Variants in KALRN observed in about 807,000 individuals in gnomAD.
KALRN encodes the protein kalirin.
Under a neutral mutation model 353.7 loss-of-function variants are expected in KALRN, and 70 were observed. That is an observed-to-expected ratio of 0.20 (90% confidence interval 0.16 to 0.24). KALRN has a LOEUF of 0.24. Among genes scored for constraint, KALRN ranks in the 10% least tolerant of loss-of-function variants. The pLI is 1.00. For missense variants in KALRN, 2,791 were observed against 3,756.7 expected, an observed-to-expected ratio of 0.74 and a Z score of 6.72; for synonymous variants, 1,391 against 1,434.8, an observed-to-expected ratio of 0.97 and a Z score of 0.69.
At chr3:124,496,757 C>G (rs563123102) in intron 33 of KALRN, among the ~76,000 whole-genome samples, 4 of 152,140 alleles carry the variant, frequency 2.6e-5, no homozygotes, top group Non-Finnish European at 5.9e-5. Context: ...GGGGATGGAT[C>G]TCAGTGAGGC....
intron 34 of KALRN, among the ~76,000 whole-genome samples, chr3:124,608,246 A>C (rs2077562160): frequency 6.6e-6 from 1 of 151,978 alleles, no homozygotes; most frequent in South Asian, 2.1e-4. Flanking sequence ...GGCCCAAGTG[A>C]TCTGCCCACC....
chr3:124,284,005 T>C (rs1207077059), intron 5 of KALRN, among the ~76,000 whole-genome samples: 1 of 152,074 alleles, frequency 6.6e-6, no homozygotes, highest in Non-Finnish European at 1.5e-5. Flanking sequence ...TATCATATTA[T>C]GATCTTTATC....
chr3:124,380,787 T>C (rs2087249537), intron 10 of KALRN, among the ~76,000 whole-genome samples: 1 of 152,238 alleles, frequency 6.6e-6, no homozygotes, highest in Non-Finnish European at 1.5e-5. Context: ...TGATATTTTC[T>C]GTACACATTT....
At position 124,649,401 on chromosome 3, in the gene KALRN, T is replaced by C. The variant is rs772361614; in HGVS notation, c.5665-1407T>C. 7.7e-4 allele frequency among the ~76,000 whole-genome samples: 118 copies of C among 152,276 alleles called. 1 individual carries two copies. Among genetic ancestry groups the C allele is most frequent in the Admixed American group, 1.8e-3 (27 of 15,296 alleles). On this transcript the variant is annotated intron_variant, in intron 37 of 59. Transcript: ENST00000682506. ...TTTTAAATCTTTGTGACTTTAACCT[T>C]AGGGCTAATGTTTTCAAAAACTACT...
At chr3:124,709,826 C>T (rs2062808350) in intron 57 of KALRN, among the ~76,000 whole-genome samples, 1 of 152,152 alleles carries the variant, frequency 6.6e-6, no homozygotes, top group Non-Finnish European at 1.5e-5. Flanking sequence ...TGAGAGAGCA[C>T]CCGAGTGCCC....
intron 3 of KALRN, among the ~76,000 whole-genome samples, chr3:124,243,574 A>G (rs1235647171): frequency 1.3e-5 from 2 of 152,176 alleles, no homozygotes; most frequent in African/African-American, 4.8e-5. Context: ...GTATACTCTC[A>G]GAAGGGGCTT....
chr3:124,130,935 G>C (rs1173666345), intron 1 of KALRN, among the ~76,000 whole-genome samples: 1 of 152,136 alleles, frequency 6.6e-6, no homozygotes, highest in Non-Finnish European at 1.5e-5. Context: ...GTGGGACAGA[G>C]GTCAGAATAA....
intron 59 of KALRN, among the ~76,000 whole-genome samples, chr3:124,717,682 C>T (rs552783597): frequency 4.4e-4 from 67 of 151,002 alleles, no homozygotes; most frequent in Middle Eastern, 7.1e-3. Context: ...GGCGACAGAG[C>T]GAGACTCCCT....
chr3:124,265,295 A>ATTTTT (rs1465968614), intron 4 of KALRN, among the ~76,000 whole-genome samples: 2 of 61,092 alleles, frequency 3.3e-5, no homozygotes, highest in African/African-American at 6.4e-5. Context: ...TTAAGAAAAT[A>ATTTTT]TTCTTTTTTT....
intron 11 of KALRN, among the ~76,000 whole-genome samples, chr3:124,387,470 A>G (rs1463156949): frequency 6.6e-6 from 1 of 152,232 alleles, no homozygotes; most frequent in Non-Finnish European, 1.5e-5. Flanking sequence ...ACCAAAGTTC[A>G]GAAAAATTAA....
At chr3:124,472,983 T>G (rs757145876) in intron 25 of KALRN, among the ~76,000 whole-genome samples, 3 of 152,186 alleles carry the variant, frequency 2.0e-5, no homozygotes, top group Non-Finnish European at 2.9e-5. Flanking sequence ...TGCTTATCGC[T>G]AAAGCAATGC....
chr3:124,516,436 A>G (rs2066562454), intron 33 of KALRN, among the ~76,000 whole-genome samples: 1 of 152,218 alleles, frequency 6.6e-6, no homozygotes. Flanking sequence ...GATGCATGTG[A>G]AACACTCAGC....
At chr3:124,306,367 G>A (rs915038145) in intron 6 of KALRN, among the ~76,000 whole-genome samples, 1 of 152,080 alleles carries the variant, frequency 6.6e-6, no homozygotes, top group African/African-American at 2.4e-5. Context: ...GAGGCTCAAT[G>A]TAGATTTGAA....
chr3:124,600,093 GCTTCCC>G (rs1561387263), intron 34 of KALRN, among the ~76,000 whole-genome samples: 1 of 152,242 alleles, frequency 6.6e-6, no homozygotes, highest in African/African-American at 2.4e-5. Flanking sequence ...AGTGGGCAAG[GCTTCCC>G]AAAAGGTAGA....
At chr3:124,433,596 TAAA>T (rs144487793) in intron 16 of KALRN, among the ~76,000 whole-genome samples, 1 of 95,136 alleles carries the variant, frequency 1.1e-5, no homozygotes, top group Non-Finnish European at 2.1e-5. Context: ...AGACCCTGTC[TAAA>T]AAAAAAAAAA....
chr3:124,624,137 AT>A (rs1296076069), intron 34 of KALRN, among the ~76,000 whole-genome samples: 1 of 152,210 alleles, frequency 6.6e-6, no homozygotes, highest in Non-Finnish European at 1.5e-5. Flanking sequence ...CCTGCCCAGG[AT>A]GTGAATCTGA....
At chr3:124,272,386 T>C (rs975698754) in intron 5 of KALRN, among the ~76,000 whole-genome samples, 5 of 152,210 alleles carry the variant, frequency 3.3e-5, no homozygotes, top group Non-Finnish European at 7.3e-5. Flanking sequence ...TTGTTGACTG[T>C]GTTCATAATG....
chr3:124,623,091 C>A (rs1436071473), intron 34 of KALRN, among the ~76,000 whole-genome samples: 1 of 151,368 alleles, frequency 6.6e-6, no homozygotes, highest in Non-Finnish European at 1.5e-5. Flanking sequence ...CTTTCTTTGT[C>A]TCTCTCTTTT....
At position 124,666,529 on chromosome 3, in the gene KALRN, G is replaced by T. The variant is rs145022201; in HGVS notation, c.6426G>T (p.Arg2142=). 1.2e-6 allele frequency: 2 copies of T among 1,613,916 alleles called. No homozygotes were observed. Among genetic ancestry groups the T allele is most frequent in the African/African-American group, 2.7e-5 (2 of 74,926 alleles). The change falls in exon 46 of 60, where the codon CGG becomes CGT. Residue 2142 remains arginine, a synonymous_variant. Transcript: ENST00000682506. ...AGCTGGATGCAGGCATGCAGTCCCG[G>T]ACCAAAGAGAGGCGCGTGTTCCTCT... ...VIELDAGMQS[R]TKERRVFLFE...
Sources: allele counts gnomAD v4.1 joint callset (sites outside exome capture counted in the v4.1 genomes callset), GRCh38; gene constraint gnomAD v4.1.1; transcripts MANE v1.5; gene names NCBI Gene and HGNC (gene_info 2026-07-23, HGNC 2026-07-21).